Variants in ZNF365 observed in about 807,000 individuals in gnomAD.
ZNF365 encodes protein ZNF365.
Under a neutral mutation model 35.0 loss-of-function variants are expected in ZNF365, and 22 were observed. That is an observed-to-expected ratio of 0.63 (90% CI 0.45 to 0.90). The LOEUF is 0.90. Ranked by LOEUF, ZNF365 falls within the 40% of genes least tolerant of loss-of-function variation. The probability of loss-of-function intolerance (pLI) is 0.00; values close to 1 mark genes in which losing one functional copy is unlikely to be tolerated. For synonymous variants in ZNF365, 188 were observed against 196.2 expected, an observed-to-expected ratio of 0.96 and a Z score of 0.35; for missense variants, 448 against 500.3, an observed-to-expected ratio of 0.90 and a Z score of 1.00.
chr10:62,452,726 G>T (rs1308737483), intron 3 of ZNF365, among the ~76,000 whole-genome samples: 1 of 152,230 alleles, frequency 6.6e-6, no homozygotes, highest in Non-Finnish European at 1.5e-5. Flanking sequence ...ACACCCCAGG[G>T]TCCTAACTCT....
chr10:62,457,495 A>G (rs1359321849), intron 3 of ZNF365, among the ~76,000 whole-genome samples: 1 of 152,224 alleles, frequency 6.6e-6, no homozygotes, highest in Non-Finnish European at 1.5e-5. Flanking sequence ...TGGAGAAGGA[A>G]GGCTTACTTC....
chr10:62,437,384 T>G (rs1301063836), intron 3 of ZNF365, among the ~76,000 whole-genome samples: 2 of 152,202 alleles, frequency 1.3e-5, no homozygotes, highest in Non-Finnish European at 2.9e-5. Flanking sequence ...TTTCCTTGCT[T>G]TCTGGAAATT....
intron 3 of ZNF365, among the ~76,000 whole-genome samples, chr10:62,389,538 G>A (rs1256242012): frequency 6.6e-6 from 1 of 152,030 alleles, no homozygotes; most frequent in Non-Finnish European, 1.5e-5. Context: ...TAGCAAGGTT[G>A]CTATTGGTTG....
At chr10:62,385,803 C>T (rs1460230540) in intron 2 of ZNF365, among the ~76,000 whole-genome samples, 2 of 152,144 alleles carry the variant, frequency 1.3e-5, no homozygotes, top group Middle Eastern at 3.2e-3. Flanking sequence ...CAGTTGAATC[C>T]TCCAAAAGGT....
chr10:62,402,957 G>A (rs2132432565), downstream of ZNF365, among the ~76,000 whole-genome samples: 1 of 152,294 alleles, frequency 6.6e-6, no homozygotes, highest in Middle Eastern at 3.4e-3. Context: ...TAGGAGCTGT[G>A]AGAGTTATTC....
At chr10:62,379,668 G>A (rs1000631767) in intron 2 of ZNF365, among the ~76,000 whole-genome samples, 6 of 152,108 alleles carry the variant, frequency 3.9e-5, no homozygotes, top group Admixed American at 3.9e-4. Context: ...TCTGAATGGG[G>A]ATGCAGAGGG....
intron 3 of ZNF365, among the ~76,000 whole-genome samples, chr10:62,440,320 G>A (rs866905497): frequency 0.37 from 896 of 2,408 alleles, 3 homozygotes; most frequent in Middle Eastern, 0.5. Context: ...ACGGGATGGG[G>A]GGTTTTTTCT....
chr10:62,416,256 A>C (rs1387198368), intron 3 of ZNF365, among the ~76,000 whole-genome samples: 1 of 152,018 alleles, frequency 6.6e-6, no homozygotes, highest in Non-Finnish European at 1.5e-5. Context: ...AAAAAAAAAA[A>C]CGATGAAACT....
rs141855189 is a variant in ZNF365 at position 62,450,323 on chromosome 10, G to A, written c.925-9418G>A. 7.2e-5 allele frequency among the ~76,000 whole-genome samples: 11 copies of A among 152,134 alleles called. No homozygotes were observed. In the East Asian group the frequency reaches 7.7e-4, roughly 11 times the overall value. On this transcript the variant is annotated intron_variant, in intron 3 of 4. Coordinates refer to the ZNF365 transcript ENST00000395255. ...ATTTCATTTAATCATTCCATACGTCGCGAAATAAGTACTATTATTGTCCCA... is the reference window on the plus strand; with the variant it reads ...ATTTCATTTAATCATTCCATACGTCACGAAATAAGTACTATTATTGTCCCA...
intron 2 of ZNF365, among the ~76,000 whole-genome samples, chr10:62,380,122 A>G (rs192447396): frequency 1.3e-3 from 196 of 152,364 alleles, no homozygotes; most frequent in African/African-American, 4.5e-3. Flanking sequence ...GAGGCCATCT[A>G]TAGGCTGAAT....
intron 3 of ZNF365, among the ~76,000 whole-genome samples, chr10:62,412,385 T>A (rs1839999599): frequency 6.6e-6 from 1 of 152,090 alleles, no homozygotes; most frequent in Non-Finnish European, 1.5e-5. Context: ...ACAAGGCAAG[T>A]CTGTTGTTTC....
intron 3 of ZNF365, among the ~76,000 whole-genome samples, chr10:62,428,698 G>T (rs1430997276): frequency 6.6e-6 from 1 of 152,166 alleles, no homozygotes; most frequent in Non-Finnish European, 1.5e-5. Flanking sequence ...CTGGAGGGGG[G>T]CATCTAGGGT....
intron 4 of ZNF365, among the ~76,000 whole-genome samples, chr10:62,466,658 A>G (rs1840948314): frequency 6.6e-6 from 1 of 151,510 alleles, no homozygotes; most frequent in Non-Finnish European, 1.5e-5. Flanking sequence ...TTCTTTGTCT[A>G]TAGCTCTAGC....
chr10:62,436,043 T>C (rs900663454), intron 3 of ZNF365, among the ~76,000 whole-genome samples: 2 of 152,218 alleles, frequency 1.3e-5, no homozygotes, highest in African/African-American at 2.4e-5. Context: ...TGGTTTTTTT[T>C]GTAATACCGT....
At chr10:62,459,507 G>T (rs1233374497) in intron 3 of ZNF365, among the ~76,000 whole-genome samples, 2 of 152,182 alleles carry the variant, frequency 1.3e-5, no homozygotes, top group African/African-American at 2.4e-5. Flanking sequence ...ATGAAGAGTG[G>T]TGTATGATTT....
chr10:62,404,395 T>C (rs1839874629), downstream of ZNF365, among the ~76,000 whole-genome samples: 1 of 152,246 alleles, frequency 6.6e-6, no homozygotes, highest in Non-Finnish European at 1.5e-5. Flanking sequence ...AGGAAGCAGA[T>C]GTCAAATTAC....
intron 3 of ZNF365, among the ~76,000 whole-genome samples, chr10:62,393,782 A>G (rs1039299986): frequency 6.6e-6 from 1 of 152,224 alleles, no homozygotes; most frequent in Non-Finnish European, 1.5e-5. Flanking sequence ...CAAATAAAGT[A>G]CAGTTAGAAT....
In ZNF365 at chr10:62,395,211, C is replaced by T. The variant is rs185064091; in HGVS notation, c.925-3529C>T. ...TTCTTTGTCTCTATAGCCACAGATACCCTGGGCAGATTTGGCACTTTGATG... is the reference window on the plus strand; with the variant it reads ...TTCTTTGTCTCTATAGCCACAGATATCCTGGGCAGATTTGGCACTTTGATG... On this transcript the variant is annotated intron_variant, in intron 3 of 4. Transcript: ENST00000395254. Among the ~76,000 whole-genome samples the T allele has an allele frequency of 1.7e-3, 253 of 152,184 alleles. 2 individuals are homozygous for T. Among genetic ancestry groups the T allele is most frequent in the African/African-American group, 5.5e-3 (228 of 41,528 alleles).
downstream of ZNF365, among the ~76,000 whole-genome samples, chr10:62,405,387 C>G (rs1839890332): frequency 6.6e-6 from 1 of 152,156 alleles, no homozygotes; most frequent in Non-Finnish European, 1.5e-5. Flanking sequence ...CTTATGATGG[C>G]TTGAAAGGGT....
Sources: allele counts gnomAD v4.1 joint callset (sites outside exome capture counted in the v4.1 genomes callset), GRCh38; gene constraint gnomAD v4.1.1; transcripts MANE v1.5; gene names NCBI Gene and HGNC (gene_info 2026-07-23, HGNC 2026-07-21).